Variants in FBXL17 observed in about 807,000 individuals in gnomAD.
FBXL17 encodes F-box and leucine rich repeat protein 17.
A neutral mutation model predicts 66.2 loss-of-function variants in FBXL17; 22 were observed. The observed-to-expected ratio is 0.33, with a 90% CI of 0.24 to 0.47. FBXL17 has a LOEUF of 0.47. FBXL17 is among the 20% of genes least tolerant of loss of function. The probability of loss-of-function intolerance (pLI) is 1.00; values close to 1 mark genes in which losing one functional copy is unlikely to be tolerated. For synonymous variants in FBXL17, 474 were observed against 400.5 expected (o/e 1.18, Z -2.19); for missense variants, 878 against 948.2 (o/e 0.93, Z 0.97).
chr5:108,155,543 C>T (rs554195771), intron 6 of FBXL17, among the ~76,000 whole-genome samples: 2 of 152,124 alleles, frequency 1.3e-5, no homozygotes, highest in South Asian at 4.1e-4. Flanking sequence ...TAGTTGTGGG[C>T]TCTACAATTA....
chr5:107,911,756 A>AATTT (rs1227856776), intron 7 of FBXL17, among the ~76,000 whole-genome samples: 1 of 152,294 alleles, frequency 6.6e-6, no homozygotes, highest in East Asian at 1.9e-4. Context: ...AGCCAAGATA[A>AATTT]ATTTATGTGG....
intron 6 of FBXL17, among the ~76,000 whole-genome samples, chr5:108,184,170 C>A (rs1753126786): frequency 6.6e-6 from 1 of 152,134 alleles, no homozygotes; most frequent in Admixed American, 6.5e-5. Flanking sequence ...CCTATAATCC[C>A]AGCACTTTGG....
chr5:108,100,237 A>C (rs1749548945), intron 6 of FBXL17, among the ~76,000 whole-genome samples: 1 of 152,166 alleles, frequency 6.6e-6, no homozygotes. Flanking sequence ...CTGTTTCTTT[A>C]ACAAGAAAAC....
chr5:107,878,167 A>T, intron 8 of FBXL17: 1 of 851,298 alleles, frequency 1.2e-6, no homozygotes. Flanking sequence ...TTTGTATAAA[A>T]AATAATCTTA....
At chr5:107,907,344 G>A (rs897101249) in intron 7 of FBXL17, among the ~76,000 whole-genome samples, 4 of 152,144 alleles carry the variant, frequency 2.6e-5, no homozygotes, top group Non-Finnish European at 5.9e-5. Context: ...TGTGCTTTTA[G>A]AATGAAATTA....
intron 4 of FBXL17, among the ~76,000 whole-genome samples, chr5:108,260,226 T>C (rs550920309): frequency 2.0e-5 from 3 of 152,090 alleles, no homozygotes; most frequent in South Asian, 2.1e-4. Flanking sequence ...ATTAGTAATA[T>C]GGGGCAGCTT....
intron 4 of FBXL17, among the ~76,000 whole-genome samples, chr5:108,307,025 C>A (rs544165407): frequency 6.6e-6 from 1 of 151,886 alleles, no homozygotes; most frequent in South Asian, 2.1e-4. Context: ...CATCATGAAA[C>A]CCAAAAAGTA....
chr5:108,256,271 C>CTTTG (rs1756574254), intron 4 of FBXL17, among the ~76,000 whole-genome samples: 2 of 152,142 alleles, frequency 1.3e-5, no homozygotes, highest in Non-Finnish European at 2.9e-5. Flanking sequence ...ACTATGCCTT[C>CTTTG]TAAAGAAAAT....
intron 4 of FBXL17, chr5:108,299,055 T>C (rs1034309604): frequency 2.0e-6 from 2 of 977,618 alleles, no homozygotes; most frequent in Non-Finnish European, 2.4e-6. Flanking sequence ...AGTACATATC[T>C]GAACAAAAAA....
At chr5:107,917,034 T>A (rs1368117786) in intron 7 of FBXL17, among the ~76,000 whole-genome samples, 1 of 152,200 alleles carries the variant, frequency 6.6e-6, no homozygotes, top group African/African-American at 2.4e-5. Context: ...TATCCCTTCA[T>A]AAAGACTTTT....
intron 6 of FBXL17, among the ~76,000 whole-genome samples, chr5:108,173,634 T>C (rs1752688692): frequency 6.6e-6 from 1 of 152,302 alleles, no homozygotes; most frequent in South Asian, 2.1e-4. Context: ...AACAATTTAA[T>C]GGGGCAGGAT....
chr5:108,374,303 T>A (rs1749270872), intron 1 of FBXL17, among the ~76,000 whole-genome samples: 1 of 152,186 alleles, frequency 6.6e-6, no homozygotes, highest in Admixed American at 6.5e-5. Context: ...ACACTACAAG[T>A]CAAGTCTCAA....
chr5:108,292,848 C>T (rs1758171364), intron 4 of FBXL17, among the ~76,000 whole-genome samples: 1 of 151,948 alleles, frequency 6.6e-6, no homozygotes, highest in Admixed American at 6.6e-5. Context: ...GCCTGTAATC[C>T]CAGCACATTG....
chr5:108,128,774 G>T (rs1235220460), intron 6 of FBXL17, among the ~76,000 whole-genome samples: 2 of 151,982 alleles, frequency 1.3e-5, no homozygotes, highest in Non-Finnish European at 2.9e-5. Context: ...AAGCAACTGG[G>T]AAACACCAGG....
chr5:107,862,137 G>T (rs1230298574), intron 8 of FBXL17, among the ~76,000 whole-genome samples: 1 of 152,024 alleles, frequency 6.6e-6, no homozygotes, highest in South Asian at 2.1e-4. Context: ...GATTTGTCAA[G>T]ATCTTAACAA....
At chr5:107,941,753 C>G (rs993928414) in intron 7 of FBXL17, among the ~76,000 whole-genome samples, 1 of 152,122 alleles carries the variant, frequency 6.6e-6, no homozygotes, top group Non-Finnish European at 1.5e-5. Flanking sequence ...TAAGAAGGAC[C>G]TTTCAGCATC....
At chr5:108,088,700 C>CAAAAAAAAAAAA (rs57707936) in intron 6 of FBXL17, among the ~76,000 whole-genome samples, 4 of 49,346 alleles carry the variant, frequency 8.1e-5, no homozygotes, top group Admixed American at 3.0e-4. Context: ...GACTCTATCT[C>CAAAAAAAAAAAA]AAAAAAAAAA....
intron 7 of FBXL17, among the ~76,000 whole-genome samples, chr5:107,893,513 T>C (rs1749270553): frequency 6.6e-6 from 1 of 152,186 alleles, no homozygotes; most frequent in Non-Finnish European, 1.5e-5. Flanking sequence ...CAAGATACTG[T>C]TGTATTCTTT....
intron 6 of FBXL17, among the ~76,000 whole-genome samples, chr5:108,082,079 A>G (rs561062073): frequency 2.0e-5 from 3 of 152,328 alleles, no homozygotes; most frequent in African/African-American, 7.2e-5. Context: ...CACAGACTCA[A>G]CTATAATCCT....
Sources: gnomAD v4.1 joint callset for allele counts (sites outside exome capture counted in the v4.1 genomes callset) on GRCh38, gnomAD v4.1.1 for gene constraint, MANE v1.5 for transcripts, NCBI Gene and HGNC (gene_info 2026-07-23, HGNC 2026-07-21) for gene names.